AOPEP: variants seen among roughly 807,000 people sequenced by gnomAD.
AOPEP encodes the protein aminopeptidase O.
In AOPEP, 77 loss-of-function variants were observed where a neutral mutation model predicts 98.1. The observed-to-expected ratio is 0.78, with a 90% CI of 0.65 to 0.95. The LOEUF (loss-of-function observed/expected upper bound fraction) is 0.95. Among genes scored for constraint, AOPEP ranks in the 40% least tolerant of loss-of-function variants. The probability of loss-of-function intolerance (pLI) is 0.00; values close to 1 mark genes in which losing one functional copy is unlikely to be tolerated. For synonymous variants in AOPEP, 346 were observed against 365.3 expected, an observed-to-expected ratio of 0.95 and a Z score of 0.60; for missense variants, 1,024 against 1,024.7, an observed-to-expected ratio of 1.00 and a Z score of 0.01.
intron 4 of AOPEP, among the ~76,000 whole-genome samples, chr9:94,799,755 A>G (rs916535754): frequency 6.6e-6 from 1 of 152,038 alleles, no homozygotes; most frequent in Non-Finnish European, 1.5e-5. Context: ...CCAGCTACTC[A>G]GGAGGCTGAG....
intron 5 of AOPEP, among the ~76,000 whole-genome samples, chr9:94,905,204 T>TA (rs1312249906): frequency 6.6e-6 from 1 of 152,194 alleles, no homozygotes; most frequent in African/African-American, 2.4e-5. Context: ...AGTTGCTACT[T>TA]ACTCTTTTAT....
intron 5 of AOPEP, among the ~76,000 whole-genome samples, chr9:94,804,160 C>T (rs1848749519): frequency 6.6e-6 from 1 of 152,146 alleles, no homozygotes; most frequent in Non-Finnish European, 1.5e-5. Flanking sequence ...CACACTTACA[C>T]TCTCTGTTAT....
At chr9:95,128,323 T>C in the AOPEP span, among the ~76,000 whole-genome samples, 3 of 152,234 alleles carry the variant, frequency 2.0e-5, no homozygotes, top group East Asian at 5.8e-4. Flanking sequence ...AACATGCCTA[T>C]TGAATAAGAG....
intron 11 of AOPEP, among the ~76,000 whole-genome samples, chr9:94,995,423 G>A (rs528387394): frequency 6.6e-6 from 1 of 151,988 alleles, no homozygotes; most frequent in Non-Finnish European, 1.5e-5. Context: ...TGACATGCAC[G>A]TCCAAGGCCA....
chr9:95,114,525 C>T, the AOPEP span: 5 of 1,034,638 alleles, frequency 4.8e-6, no homozygotes, highest in East Asian at 7.1e-5. Flanking sequence ...GGTGATGGTC[C>T]CAGACCAGTA....
intron 14 of AOPEP, among the ~76,000 whole-genome samples, chr9:95,069,255 C>T (rs2068231459): frequency 1.3e-5 from 2 of 152,162 alleles, no homozygotes; most frequent in Non-Finnish European, 1.5e-5. Flanking sequence ...TTGGGGAGGT[C>T]CTCCAGGCTG....
the AOPEP span, chr9:95,125,018 T>C: frequency 2.2e-6 from 3 of 1,370,294 alleles, no homozygotes; most frequent in Admixed American, 1.7e-5. Flanking sequence ...AAAGTGCTCT[T>C]GTCCAAAATA....
intron 14 of AOPEP, among the ~76,000 whole-genome samples, chr9:95,077,214 G>A (rs972348910): frequency 6.6e-6 from 1 of 152,188 alleles, no homozygotes; most frequent in Non-Finnish European, 1.5e-5. Flanking sequence ...GCTTTCCTAG[G>A]CACGGGACAG....
intron 5 of AOPEP, among the ~76,000 whole-genome samples, chr9:94,802,928 G>T (rs1008526675): frequency 1.2e-4 from 19 of 152,214 alleles, no homozygotes; most frequent in African/African-American, 4.1e-4. Context: ...GATTCTGCTT[G>T]CTTGGCTTGA....
At chr9:94,880,349 T>C in intron 5 of AOPEP, among the ~76,000 whole-genome samples, 2 of 151,936 alleles carry the variant, frequency 1.3e-5, no homozygotes, top group South Asian at 2.1e-4. Context: ...TTTTTTTTCT[T>C]TTTCTTTTTC....
intron 5 of AOPEP, among the ~76,000 whole-genome samples, chr9:94,887,473 C>A (rs900906086): frequency 6.6e-6 from 1 of 152,112 alleles, no homozygotes; most frequent in Admixed American, 6.5e-5. Context: ...TGACCTGGGA[C>A]AAGTCATTTG....
chr9:95,096,606 G>A, the AOPEP span, among the ~76,000 whole-genome samples: 9 of 152,190 alleles, frequency 5.9e-5, no homozygotes, highest in East Asian at 1.7e-3. Flanking sequence ...GCAGGACAGG[G>A]TCCAGCCTCT....
the AOPEP span, among the ~76,000 whole-genome samples, chr9:95,107,759 C>A: frequency 6.6e-6 from 1 of 152,118 alleles, no homozygotes; most frequent in Non-Finnish European, 1.5e-5. Context: ...CATGCACGCA[C>A]GTGTACACAA....
At chr9:94,912,691 C>G (rs2052243024) in intron 5 of AOPEP, among the ~76,000 whole-genome samples, 2 of 152,192 alleles carry the variant, frequency 1.3e-5, no homozygotes. Flanking sequence ...CTATGGGCTC[C>G]CTGGGAAAAG....
At chr9:94,733,769 G>T (rs1410735349) in intron 1 of AOPEP, among the ~76,000 whole-genome samples, 1 of 152,114 alleles carries the variant, frequency 6.6e-6, no homozygotes, top group African/African-American at 2.4e-5. Context: ...TATACCAAAT[G>T]CATTTTCTTA....
rs561704834 is a variant in AOPEP, at chr9:94,997,181, C to T, written c.1978-7977C>T. Among the ~76,000 whole-genome samples the T allele has an allele frequency of 3.9e-5, 6 of 152,322 alleles. No individual in the cohort carries two copies. The South Asian group carries it at 1.0e-3, about 26-fold the overall frequency. On this transcript the variant is annotated intron_variant, in intron 11 of 16. Transcript: ENST00000375315. ...ATATCTGCCCATTGTTGCCTCCCTTCTGGGTAGAATGTTGAAATCTTCCAC... is the reference window on the plus strand; with the variant it reads ...ATATCTGCCCATTGTTGCCTCCCTTTTGGGTAGAATGTTGAAATCTTCCAC...
intron 5 of AOPEP, among the ~76,000 whole-genome samples, chr9:94,912,568 C>T (rs888983216): frequency 1.3e-5 from 2 of 152,146 alleles, no homozygotes; most frequent in South Asian, 2.1e-4. Flanking sequence ...CATGGCTGAC[C>T]GTGTGAGACC....
intron 1 of AOPEP, among the ~76,000 whole-genome samples, chr9:94,746,543 C>A (rs113205520): frequency 1.3e-5 from 2 of 152,178 alleles, no homozygotes; most frequent in African/African-American, 2.4e-5. Context: ...TTAAGTGGTA[C>A]GCTTCAGAAA....
chr9:94,852,060 T>C (rs1165347908), intron 5 of AOPEP, among the ~76,000 whole-genome samples: 1 of 152,068 alleles, frequency 6.6e-6, no homozygotes, highest in Non-Finnish European at 1.5e-5. Context: ...ACAGTAGCCC[T>C]GACGAGAGAT....
Sources: gnomAD v4.1 joint callset for allele counts (sites outside exome capture counted in the v4.1 genomes callset) on GRCh38, gnomAD v4.1.1 for gene constraint, MANE v1.5 for transcripts, NCBI Gene and HGNC (gene_info 2026-07-23, HGNC 2026-07-21) for gene names.